SHISA6: variants seen among roughly 807,000 people sequenced by gnomAD.
The protein encoded by SHISA6 is protein shisa-6.
A neutral mutation model predicts 47.9 loss-of-function variants in SHISA6; 22 were observed. The observed-to-expected ratio is 0.46, with a 90% CI of 0.33 to 0.66. SHISA6 has a LOEUF of 0.66. SHISA6 is among the 30% of genes least tolerant of loss of function. The pLI is 0.02. For missense variants in SHISA6, 680 were observed against 764.6 expected, an observed-to-expected ratio of 0.89 and a Z score of 1.30; for synonymous variants, 388 against 337.8, an observed-to-expected ratio of 1.15 and a Z score of -1.63.
chr17:11,386,833 C>T (rs548589503), intron 3 of SHISA6, among the ~76,000 whole-genome samples: 56 of 152,280 alleles, frequency 3.7e-4, no homozygotes, highest in African/African-American at 1.3e-3. Context: ...AAACCATCAG[C>T]TGTAAGTGAG....
intron 2 of SHISA6, among the ~76,000 whole-genome samples, chr17:11,317,904 G>A (rs973597328): frequency 1.3e-5 from 2 of 151,722 alleles, no homozygotes; most frequent in African/African-American, 4.8e-5. Flanking sequence ...CAAATATATG[G>A]GGGTGGTAAG....
chr17:11,369,107 T>A (rs533304065), intron 2 of SHISA6, among the ~76,000 whole-genome samples: 1 of 152,362 alleles, frequency 6.6e-6, no homozygotes, highest in South Asian at 2.1e-4. Context: ...AAGTCTATGC[T>A]TTTATCGCCT....
chr17:11,310,748 G>A (rs941671131), intron 2 of SHISA6, among the ~76,000 whole-genome samples: 1 of 152,132 alleles, frequency 6.6e-6, no homozygotes, highest in East Asian at 1.9e-4. Context: ...GCCGAGGTGG[G>A]CAGATCACAA....
chr17:11,510,844 T>C (rs2071535333), intron 3 of SHISA6, among the ~76,000 whole-genome samples: 2 of 152,152 alleles, frequency 1.3e-5, no homozygotes, highest in African/African-American at 4.8e-5. Context: ...TAGGCATTAG[T>C]GTTCTTGTTA....
chr17:11,555,228 T>C (rs1368746574), intron 4 of SHISA6, among the ~76,000 whole-genome samples: 1 of 152,010 alleles, frequency 6.6e-6, no homozygotes, highest in Non-Finnish European at 1.5e-5. Flanking sequence ...AAGGATGCCA[T>C]GGACGGAGCA....
chr17:11,279,442 G>T (rs527987636), intron 2 of SHISA6, among the ~76,000 whole-genome samples: 12 of 152,240 alleles, frequency 7.9e-5, no homozygotes, highest in Non-Finnish European at 1.8e-4. Context: ...TAGGGAGCTA[G>T]GATCAGTGTC....
chr17:11,379,722 A>G, intron 3 of SHISA6: 1 of 408,508 alleles, frequency 2.4e-6, no homozygotes, highest in South Asian at 3.0e-5. Context: ...TCCAAGAGAC[A>G]CCCATCCCAC....
chr17:11,325,182 C>A (rs749960009), intron 2 of SHISA6, among the ~76,000 whole-genome samples: 1 of 152,150 alleles, frequency 6.6e-6, no homozygotes, highest in Non-Finnish European at 1.5e-5. Context: ...CACATCCAGG[C>A]GGGCCCAAAA....
At chr17:11,430,752 A>G (rs1914748190) in intron 3 of SHISA6, among the ~76,000 whole-genome samples, 1 of 152,208 alleles carries the variant, frequency 6.6e-6, no homozygotes, top group Admixed American at 6.5e-5. Flanking sequence ...AGGCACCTAC[A>G]GCATTACTCA....
At position 11,560,924 on chromosome 17, in the gene SHISA6, G is replaced by C. The variant is rs573030146; in HGVS notation, c.*2620G>C. On this transcript the variant is annotated 3_prime_UTR_variant, in exon 6 of 6. Transcript: ENST00000441885. ...AGCAAGGAATGAAGGGAGGGAGAGA[G>C]GGAGGGAGGGAGGGGAGGAGGGAAG... 17 of 152,152 alleles carry C rather than the reference G, an allele frequency of 1.1e-4. No individual in the cohort carries two copies. The highest frequency in any genetic ancestry group is 3.9e-4 in the African/African-American group (16 of 41,486). 9.4% of individuals were successfully genotyped at this position (152,152 alleles called of 1,614,324 possible).
chr17:11,264,318 A>G (rs1377642099), intron 2 of SHISA6, among the ~76,000 whole-genome samples: 2 of 152,220 alleles, frequency 1.3e-5, no homozygotes, highest in African/African-American at 4.8e-5. Context: ...TACTTATATT[A>G]TCCCCATTTT....
At chr17:11,405,591 C>G (rs2142267789) in intron 3 of SHISA6, among the ~76,000 whole-genome samples, 1 of 152,200 alleles carries the variant, frequency 6.6e-6, no homozygotes, top group South Asian at 2.1e-4. Flanking sequence ...ATCACAAGGT[C>G]AGCAGTTCGA....
At chr17:11,338,094 C>T (rs1567577413) in intron 2 of SHISA6, among the ~76,000 whole-genome samples, 2 of 152,134 alleles carry the variant, frequency 1.3e-5, no homozygotes. Context: ...AACACATTGT[C>T]AGGGGAGAAT....
intron 3 of SHISA6, among the ~76,000 whole-genome samples, chr17:11,453,781 G>A (rs925287168): frequency 3.3e-5 from 5 of 152,198 alleles, no homozygotes; most frequent in African/African-American, 4.8e-5. Flanking sequence ...GGCATTATGC[G>A]AGATGCAAGA....
intron 2 of SHISA6, among the ~76,000 whole-genome samples, chr17:11,283,590 G>A (rs2142162738): frequency 1.3e-5 from 2 of 152,326 alleles, no homozygotes; most frequent in Middle Eastern, 6.8e-3. Context: ...TTACATTAAA[G>A]TGGTGTCAGC....
intron 3 of SHISA6, among the ~76,000 whole-genome samples, chr17:11,423,228 T>C (rs996593756): frequency 7.2e-6 from 1 of 139,388 alleles, no homozygotes; most frequent in East Asian, 2.0e-4. Flanking sequence ...TGTGTGTGTG[T>C]GTGTGTGTGT....
intron 2 of SHISA6, among the ~76,000 whole-genome samples, chr17:11,314,232 A>G (rs1399326281): frequency 1.3e-5 from 2 of 152,192 alleles, no homozygotes; most frequent in Non-Finnish European, 2.9e-5. Flanking sequence ...TCATGATTCA[A>G]AGTATTAACA....
intron 3 of SHISA6, among the ~76,000 whole-genome samples, chr17:11,428,702 G>C (rs1914665403): frequency 6.6e-6 from 1 of 151,748 alleles, no homozygotes; most frequent in Admixed American, 6.6e-5. Context: ...TTGGATCATG[G>C]TTTCCCACAG....
intron 2 of SHISA6, among the ~76,000 whole-genome samples, chr17:11,356,315 A>G (rs1316523559): frequency 6.6e-6 from 1 of 152,142 alleles, no homozygotes; most frequent in African/African-American, 2.4e-5. Context: ...CCACTGGCCT[A>G]TGTGAAGGCA....
Sources: gnomAD v4.1 joint callset for allele counts (sites outside exome capture counted in the v4.1 genomes callset) on GRCh38, gnomAD v4.1.1 for gene constraint, MANE v1.5 for transcripts, NCBI Gene and HGNC (gene_info 2026-07-23, HGNC 2026-07-21) for gene names.